DOCK5: variants seen among roughly 807,000 people sequenced by gnomAD.
The protein encoded by DOCK5 is dedicator of cytokinesis 5, also known as dedicator of cytokinesis protein 5.
DOCK5 carries 142 observed loss-of-function variants against 251.8 expected under a neutral mutation model. The ratio of observed to expected loss-of-function variants is 0.56; its 90% confidence interval spans 0.49 to 0.65. The LOEUF (loss-of-function observed/expected upper bound fraction) is 0.65. DOCK5 is among the 30% of genes least tolerant of loss of function. The probability of loss-of-function intolerance (pLI) is 0.00; values close to 1 mark genes in which losing one functional copy is unlikely to be tolerated. For missense variants in DOCK5, 2,111 were observed against 2,312.3 expected, an observed-to-expected ratio of 0.91 and a Z score of 1.79; for synonymous variants, 842 against 835.5, an observed-to-expected ratio of 1.01 and a Z score of -0.13.
intron 2 of DOCK5, among the ~76,000 whole-genome samples, chr8:25,262,312 C>T (rs1197155730): frequency 2.0e-5 from 3 of 151,914 alleles, no homozygotes; most frequent in African/African-American, 4.8e-5. Context: ...TAAAATTCAC[C>T]GTTTTTAGTG....
Position 25,251,687 on chromosome 8 carries a change from A to G in DOCK5, c.127+7930A>G, listed in dbSNP as rs139690523. ...TGTTTGCCAAAACTTTCTAACAGAG[A>G]TATAAAAAAGAAGAGAGTGGGCTGG... On this transcript the variant is annotated intron_variant, in intron 2 of 51. Coordinates refer to ENST00000276440, the MANE Select transcript of DOCK5 (RefSeq NM_024940.8). 4.3e-4 allele frequency among the ~76,000 whole-genome samples: 65 copies of G among 152,276 alleles called. No homozygotes were observed. In the East Asian group the frequency reaches 0.01, roughly 24 times the overall value.
chr8:25,301,666 G>A (rs1390075319), intron 9 of DOCK5, among the ~76,000 whole-genome samples: 2 of 149,910 alleles, frequency 1.3e-5, no homozygotes, highest in African/African-American at 4.9e-5. Flanking sequence ...GACGTTCAAG[G>A]CCAAGGCCAG....
chr8:25,263,949 C>A (rs1803663207), intron 2 of DOCK5, among the ~76,000 whole-genome samples: 1 of 151,892 alleles, frequency 6.6e-6, no homozygotes, highest in Non-Finnish European at 1.5e-5. Flanking sequence ...TCTTCCTATA[C>A]CAAAGACTAC....
At chr8:25,325,648 A>G in intron 18 of DOCK5, 101 bp downstream of exon 18, 3 of 1,383,672 alleles carry the variant, frequency 2.2e-6, no homozygotes, top group Non-Finnish European at 2.9e-6. Flanking sequence ...GCTGGGTCTT[A>G]TTAGGTAGGA....
chr8:25,257,434 A>G (rs1258125721), intron 2 of DOCK5, among the ~76,000 whole-genome samples: 2 of 152,202 alleles, frequency 1.3e-5, no homozygotes, highest in East Asian at 1.9e-4. Flanking sequence ...GTGGAATCCT[A>G]GTATATTGTT....
chr8:25,263,804 C>A (rs1289085949), intron 2 of DOCK5, among the ~76,000 whole-genome samples: 1 of 151,808 alleles, frequency 6.6e-6, no homozygotes, highest in Admixed American at 6.5e-5. Flanking sequence ...AGCCTTCCCC[C>A]ACTGCGAATG....
At chr8:25,307,987 C>T (rs1005832875) in intron 11 of DOCK5, among the ~76,000 whole-genome samples, 1 of 152,144 alleles carries the variant, frequency 6.6e-6, no homozygotes, top group African/African-American at 2.4e-5. Flanking sequence ...ATAGCAATCC[C>T]ATTTGCCAGT....
chr8:25,402,912 C>T (rs1396284652), intron 47 of DOCK5, among the ~76,000 whole-genome samples: 1 of 152,172 alleles, frequency 6.6e-6, no homozygotes, highest in African/African-American at 2.4e-5. Context: ...AGTGTTCAGT[C>T]GTGCCTTCTT....
chr8:25,340,991 C>A lies in DOCK5; in HGVS notation c.2439+3C>A, dbSNP rs377233354. 88 of 1,606,514 alleles carry A rather than the reference C, an allele frequency of 5.5e-5. No individual in the cohort carries two copies. In the African/African-American group the frequency reaches 1.1e-3, roughly 19 times the overall value. ...TGGAGGAAGCCGTCAAGATCAAGGT[C>A]AGCCTGGCAGCATCATGGGTAACTC... On this transcript the variant is annotated splice_donor_region_variant and intron_variant, in intron 23 of 51. Coordinates refer to ENST00000276440, the MANE Select transcript of DOCK5 (RefSeq NM_024940.8).
intron 5 of DOCK5, among the ~76,000 whole-genome samples, chr8:25,279,741 A>G (rs1804139946): frequency 6.6e-6 from 1 of 151,656 alleles, no homozygotes; most frequent in African/African-American, 2.4e-5. Context: ...CAGCCTCCCA[A>G]GTAGCTGGGA....
chr8:25,374,489 C>T, intron 36 of DOCK5, 75 bp from the exon 37 acceptor site: 1 of 1,373,332 alleles, frequency 7.3e-7, no homozygotes, highest in Admixed American at 2.0e-5. Flanking sequence ...ACAGCAAGAC[C>T]CTGTCTCAAA....
intron 51 of DOCK5, 92 bp downstream of exon 51, chr8:25,410,294 G>C (rs1003687196): frequency 1.6e-5 from 17 of 1,079,202 alleles, no homozygotes; most frequent in Non-Finnish European, 2.8e-6. Context: ...GGGCAGGTTT[G>C]CTCATAGACC....
intron 18 of DOCK5, among the ~76,000 whole-genome samples, chr8:25,327,354 T>C (rs892716815): frequency 1.3e-5 from 2 of 152,234 alleles, no homozygotes; most frequent in East Asian, 1.9e-4. Context: ...TAGTATACTA[T>C]ATAAAGCATT....
chr8:25,302,292 C>G, intron 9 of DOCK5, 33 bp from the exon 10 acceptor site: 1 of 1,574,178 alleles, frequency 6.4e-7, no homozygotes, highest in Non-Finnish European at 8.6e-7. Flanking sequence ...TGGTCCAGCC[C>G]CACCTCCTCT....
At position 25,210,959 on chromosome 8, in the gene DOCK5, G is replaced by A. The variant is rs1186617091; in HGVS notation, c.43+26008G>A. Among the ~76,000 whole-genome samples the A allele has an allele frequency of 2.9e-5, 2 of 69,526 alleles. 1 individual carries two copies. Among genetic ancestry groups the A allele is most frequent in the East Asian group, 6.4e-4 (2 of 3,110 alleles). 45.6% of individuals were successfully genotyped at this position (69,526 alleles called of 152,430 possible). On this transcript the variant is annotated intron_variant, in intron 1 of 51. Coordinates refer to ENST00000276440, the MANE Select transcript of DOCK5 (RefSeq NM_024940.8). ...AGGTTGGGGTAGTTCTTTGTCTACTGGAAACACAATTATCTGTACTCAAAT... is the reference window on the plus strand; with the variant it reads ...AGGTTGGGGTAGTTCTTTGTCTACTAGAAACACAATTATCTGTACTCAAAT...
chr8:25,305,491 A>G (rs891565474), intron 11 of DOCK5, among the ~76,000 whole-genome samples: 3 of 152,072 alleles, frequency 2.0e-5, no homozygotes, highest in Admixed American at 2.0e-4. Flanking sequence ...TTAAAGATTC[A>G]GCCAAAAAAA....
chr8:25,410,995 G>A (rs3030791), intron 51 of DOCK5, among the ~76,000 whole-genome samples, 199 bp from the exon 52 acceptor site: 63 of 61,070 alleles, frequency 1.0e-3, no homozygotes, highest in East Asian at 3.0e-3. Context: ...ACGCACGCAC[G>A]CACGCACGCG....
chr8:25,301,064 C>G (rs1046565698), intron 9 of DOCK5, among the ~76,000 whole-genome samples: 3 of 152,024 alleles, frequency 2.0e-5, no homozygotes, highest in Non-Finnish European at 4.4e-5. Context: ...GAAAAATGAC[C>G]TTAAAGTACA....
chr8:25,301,931 C>T (rs1804776082), intron 9 of DOCK5, among the ~76,000 whole-genome samples: 1 of 152,100 alleles, frequency 6.6e-6, no homozygotes, highest in Non-Finnish European at 1.5e-5. Context: ...CAATAAATGT[C>T]AGTGTTACAC....
Sources: gnomAD v4.1 joint callset for allele counts (sites outside exome capture counted in the v4.1 genomes callset) on GRCh38, gnomAD v4.1.1 for gene constraint, MANE v1.5 for transcripts, NCBI Gene and HGNC (gene_info 2026-07-23, HGNC 2026-07-21) for gene names.